The following CDH20 variants were observed in gnomAD, a reference collection of about 807,000 sequenced individuals.
CDH20 encodes cadherin 20.
In CDH20, 29 loss-of-function variants were observed where a neutral mutation model predicts 74.2. The observed-to-expected ratio is 0.39, with a 90% CI of 0.29 to 0.53. The LOEUF (loss-of-function observed/expected upper bound fraction) is 0.53, where lower values mean the gene tolerates loss of function less well. Among genes scored for constraint, CDH20 ranks in the 20% least tolerant of loss-of-function variants. The pLI is 0.69. For missense variants in CDH20, 988 were observed against 1,048.3 expected, an observed-to-expected ratio of 0.94 and a Z score of 0.79; for synonymous variants, 469 against 405.4, an observed-to-expected ratio of 1.16 and a Z score of -1.88.
chr18:61,505,149 C>T (rs965703664), intron 5 of CDH20, among the ~76,000 whole-genome samples: 5 of 152,088 alleles, frequency 3.3e-5, no homozygotes, highest in African/African-American at 1.2e-4. Flanking sequence ...AGACAGGTGT[C>T]TCTGATGGAG....
chr18:61,369,759 G>A (rs1360406516), intron 1 of CDH20, among the ~76,000 whole-genome samples: 1 of 152,084 alleles, frequency 6.6e-6, no homozygotes, highest in Non-Finnish European at 1.5e-5. Context: ...ATTGTCCTTT[G>A]TAGGAACATG....
intron 1 of CDH20, among the ~76,000 whole-genome samples, chr18:61,413,342 A>G (rs189268758): frequency 6.6e-6 from 1 of 152,306 alleles, no homozygotes; most frequent in Admixed American, 6.5e-5. Context: ...ATCATTCTAC[A>G]AAGTATATTT....
At chr18:61,436,308 CTG>C (rs1908834179) in intron 1 of CDH20, among the ~76,000 whole-genome samples, 1 of 152,144 alleles carries the variant, frequency 6.6e-6, no homozygotes, top group Non-Finnish European at 1.5e-5. Flanking sequence ...TGCTGGGTAA[CTG>C]TATGTGTAAC....
chr18:61,383,617 G>A (rs1053813220), intron 1 of CDH20, among the ~76,000 whole-genome samples: 8 of 152,018 alleles, frequency 5.3e-5, no homozygotes, highest in African/African-American at 1.9e-4. Flanking sequence ...TTCTAATGAA[G>A]GTCTGGTGCT....
chr18:61,507,260 T>A, intron 5 of CDH20, 113 bp from the exon 6 acceptor site: 1 of 1,054,982 alleles, frequency 9.5e-7, no homozygotes, highest in South Asian at 1.5e-5. Context: ...CAAGTTTTAC[T>A]TTTTGAACCC....
intron 2 of CDH20, among the ~76,000 whole-genome samples, chr18:61,493,208 T>TATCTGCC (rs1325890777): frequency 1.3e-5 from 2 of 152,152 alleles, no homozygotes; most frequent in East Asian, 3.9e-4. Flanking sequence ...TCGGTCCCCA[T>TATCTGCC]ATCTGCCAAT....
intron 1 of CDH20, among the ~76,000 whole-genome samples, chr18:61,340,787 T>C (rs1376819728): frequency 6.6e-6 from 1 of 152,208 alleles, no homozygotes; most frequent in East Asian, 1.9e-4. Context: ...CCATAATTTG[T>C]TTTTAAGCCA....
At chr18:61,335,937 G>A (rs1301732917) in intron 1 of CDH20, among the ~76,000 whole-genome samples, 2 of 152,192 alleles carry the variant, frequency 1.3e-5, no homozygotes, top group South Asian at 2.1e-4. Flanking sequence ...TTCGTTTGGG[G>A]AGAGTTGCCG....
chr18:61,400,564 T>C (rs191711366), intron 1 of CDH20, among the ~76,000 whole-genome samples: 1 of 152,264 alleles, frequency 6.6e-6, no homozygotes, highest in Admixed American at 6.5e-5. Context: ...ACAGTGTAAT[T>C]TCTGTAGTTG....
At chr18:61,387,170 TTGA>T (rs1911626838) in intron 1 of CDH20, among the ~76,000 whole-genome samples, 1 of 152,162 alleles carries the variant, frequency 6.6e-6, no homozygotes, top group Non-Finnish European at 1.5e-5. Flanking sequence ...CATGTCATTG[TTGA>T]TGTTTATTAG....
At chr18:61,437,185 A>T (rs1465060079) in intron 1 of CDH20, among the ~76,000 whole-genome samples, 2 of 152,186 alleles carry the variant, frequency 1.3e-5, no homozygotes, top group African/African-American at 4.8e-5. Flanking sequence ...TGCCACCATC[A>T]GCCTTTGACC....
chr18:61,365,553 GT>G (rs1239502287), intron 1 of CDH20, among the ~76,000 whole-genome samples: 13 of 152,128 alleles, frequency 8.5e-5, no homozygotes, highest in Non-Finnish European at 1.5e-4. Flanking sequence ...TTAATCAAAG[GT>G]TTTTTAAACT....
At chr18:61,505,528 AT>A (rs1352687521) in intron 5 of CDH20, among the ~76,000 whole-genome samples, 1 of 151,718 alleles carries the variant, frequency 6.6e-6, no homozygotes, top group African/African-American at 2.4e-5. Flanking sequence ...TAGAGATGGG[AT>A]TTTGTCATGT....
At chr18:61,533,661 G>T (rs1912725896) in intron 7 of CDH20, among the ~76,000 whole-genome samples, 1 of 152,162 alleles carries the variant, frequency 6.6e-6, no homozygotes, top group Non-Finnish European at 1.5e-5. Context: ...GCTTTTGCAT[G>T]TGCTTTTGGG....
chr18:61,443,494 T>C (rs1358504838), intron 1 of CDH20, among the ~76,000 whole-genome samples: 1 of 152,174 alleles, frequency 6.6e-6, no homozygotes, highest in Non-Finnish European at 1.5e-5. Flanking sequence ...GCAGGCTGGA[T>C]GCAGCCACAT....
chr18:61,371,896 T>C (rs1315203755), intron 1 of CDH20, among the ~76,000 whole-genome samples: 2 of 152,132 alleles, frequency 1.3e-5, no homozygotes, highest in Non-Finnish European at 2.9e-5. Flanking sequence ...ATACCTTGAT[T>C]ACTCAGAAAT....
chr18:61,554,395 G>T lies in CDH20; in HGVS notation c.2106G>T (p.Leu702=), dbSNP rs1458235105. 1 of 1,612,934 alleles carries T rather than the reference G, an allele frequency of 6.2e-7. No individual in the cohort carries two copies. Among genetic ancestry groups the T allele is most frequent in the South Asian group, 1.1e-5 (1 of 91,060 alleles). Residue 702 remains leucine, a synonymous_variant, in exon 12 of 12, where the codon CTG becomes CTT. Transcript: ENST00000262717. ...GAAPKTRQDM[L]PEIESLSRYV... is the part of the protein sequence containing the mutation. ...CCCCCAAGACGCGGCAGGACATGCT[G>T]CCCGAGATCGAGAGCCTCTCCCGCT...
At chr18:61,411,089 A>G (rs865898732) in intron 1 of CDH20, among the ~76,000 whole-genome samples, 4 of 151,758 alleles carry the variant, frequency 2.6e-5, no homozygotes, top group South Asian at 2.1e-4. Context: ...AGTCCCAGCT[A>G]CTCGGGGGGC....
chr18:61,537,928 T>C (rs539863451), intron 8 of CDH20, among the ~76,000 whole-genome samples: 14 of 152,326 alleles, frequency 9.2e-5, no homozygotes, highest in African/African-American at 3.4e-4. Flanking sequence ...ATAATTTCTG[T>C]GTCTCGCAAT....
Sources: allele counts gnomAD v4.1 joint callset (sites outside exome capture counted in the v4.1 genomes callset), GRCh38; gene constraint gnomAD v4.1.1; transcripts MANE v1.5; gene names NCBI Gene and HGNC (gene_info 2026-07-23, HGNC 2026-07-21).